The following KIF3A variants were observed in gnomAD, a reference collection of about 807,000 sequenced individuals.
KIF3A encodes kinesin-like protein KIF3A.
A neutral mutation model predicts 92.6 loss-of-function variants in KIF3A; 27 were observed. The ratio of observed to expected loss-of-function variants is 0.29; its 90% confidence interval spans 0.21 to 0.40. KIF3A has a LOEUF of 0.40. KIF3A is among the 10% of genes least tolerant of loss of function. The probability of loss-of-function intolerance (pLI) is 1.00; values close to 1 mark genes in which losing one functional copy is unlikely to be tolerated. For synonymous variants in KIF3A, 250 were observed against 275.4 expected, an observed-to-expected ratio of 0.91 and a Z score of 0.92; for missense variants, 581 against 872.6, an observed-to-expected ratio of 0.67 and a Z score of 4.21.
intron 2 of KIF3A, among the ~76,000 whole-genome samples, chr5:132,729,623 GAAACT>G (rs1362762695): frequency 6.6e-6 from 1 of 152,072 alleles, no homozygotes; most frequent in African/African-American, 2.4e-5. Flanking sequence ...AAAATATTTG[GAAACT>G]AAATAACACA....
rs1401793910 is a variant in KIF3A, at chr5:132,724,841, ATATATATATATATATT to A, written c.510+1271_510+1286del. Among the ~76,000 whole-genome samples, 77 of 30,234 alleles carry A rather than the reference ATATATATATATATATT, an allele frequency of 2.5e-3. 4 individuals carry two copies. The South Asian group carries it at 0.052, about 20-fold the overall frequency. The allele number at this position is 30,234 out of a possible 152,430, so 19.8% of individuals were successfully genotyped here. On this transcript the variant is annotated intron_variant, in intron 4 of 18. Transcript: ENST00000403231. ...TATATATATATATATATATATATAT[ATATATATATATATATT>A]AAAAAATCATTCTAAGAAAGGGATT...
At chr5:132,691,984 T>A (rs1298646322), downstream of KIF3A, among the ~76,000 whole-genome samples, 6 of 150,478 alleles carry the variant, frequency 4.0e-5, no homozygotes, top group South Asian at 2.1e-4. Context: ...AAATAAAATT[T>A]AATTAAAAAA....
intron 8 of KIF3A, among the ~76,000 whole-genome samples, chr5:132,713,624 T>C (rs559770861): frequency 6.6e-5 from 10 of 152,286 alleles, no homozygotes; most frequent in African/African-American, 2.2e-4. Context: ...GCTGGGTACA[T>C]ACCCCAAAAA....
At chr5:132,731,097 A>G (rs1412143947) in intron 2 of KIF3A, among the ~76,000 whole-genome samples, 1 of 152,224 alleles carries the variant, frequency 6.6e-6, no homozygotes, top group Admixed American at 6.5e-5. Flanking sequence ...GAATTCTACC[A>G]AACATTTAAG....
chr5:132,700,631 T>A lies in KIF3A; in HGVS notation c.1938+16A>T, dbSNP rs1203611048. 23 of 1,517,746 alleles carry A rather than the reference T, an allele frequency of 1.5e-5. No individual in the cohort carries two copies. The highest frequency in any genetic ancestry group is 2.1e-5 in the Non-Finnish European group (23 of 1,093,284). The allele number at this position is 1,517,746 out of a possible 1,614,324, so 94.0% of individuals were successfully genotyped here. The stretch of plus-strand genomic sequence containing the variant: ...ACTCTTTAATTATTACGTGAAAGAA[T>A]GAAGGTAATACTCACTAGCTGCCAT... On this transcript the variant is annotated intron_variant, in intron 16 of 18. Coordinates refer to ENST00000403231, the MANE Select transcript of KIF3A (RefSeq NM_001300791.2).
intron 4 of KIF3A, 62 bp from the exon 5 acceptor site, chr5:132,720,776 T>C: frequency 1.1e-6 from 1 of 931,556 alleles, no homozygotes; most frequent in African/African-American, 1.7e-5. Flanking sequence ...TTATTGAGTA[T>C]CTCCTATGTG....
chr5:132,719,778 A>G (rs1484438842), intron 5 of KIF3A, among the ~76,000 whole-genome samples: 1 of 152,042 alleles, frequency 6.6e-6, no homozygotes, highest in Non-Finnish European at 1.5e-5. Context: ...CACCGCGACC[A>G]GACTTTTCAC....
chr5:132,729,170 G>C (rs967383006), intron 2 of KIF3A, among the ~76,000 whole-genome samples: 3 of 152,046 alleles, frequency 2.0e-5, no homozygotes, highest in Admixed American at 2.0e-4. Context: ...CTACACATTG[G>C]GTACAGTGTA....
At position 132,724,839 on chromosome 5, in the gene KIF3A, ATATATATATATATATAT is replaced by A. The variant is rs1753980250; in HGVS notation, c.510+1272_510+1288del. Among the ~76,000 whole-genome samples the A allele has an allele frequency of 1.3e-4, 4 of 29,876 alleles. No homozygotes were observed. In the South Asian group the frequency reaches 3.2e-3, roughly 24 times the overall value. 19.6% of individuals were successfully genotyped at this position (29,876 alleles called of 152,430 possible). The stretch of plus-strand genomic sequence containing the variant: ...TATATATATATATATATATATATAT[ATATATATATATATATAT>A]TAAAAAATCATTCTAAGAAAGGGAT... On this transcript the variant is annotated intron_variant, in intron 4 of 18. Coordinates refer to ENST00000403231, the MANE Select transcript of KIF3A (RefSeq NM_001300791.2).
At chr5:132,733,718 C>CT (rs1397763662) in intron 2 of KIF3A, among the ~76,000 whole-genome samples, 2 of 152,122 alleles carry the variant, frequency 1.3e-5, no homozygotes, top group Admixed American at 6.5e-5. Flanking sequence ...TAAGCTATGA[C>CT]TGCACCACTG....
At chr5:132,697,346 A>T (rs1489903180) in intron 18 of KIF3A, among the ~76,000 whole-genome samples, 3 of 151,978 alleles carry the variant, frequency 2.0e-5, no homozygotes, top group Non-Finnish European at 4.4e-5. Context: ...GGGCCACACG[A>T]TTTTTTTAAT....
intron 4 of KIF3A, among the ~76,000 whole-genome samples, chr5:132,724,258 A>G (rs1304350569): frequency 6.6e-6 from 1 of 152,198 alleles, no homozygotes; most frequent in Admixed American, 6.5e-5. Context: ...AGGGATCTAG[A>G]ACTAGAAATA....
chr5:132,718,784 G>A (rs971144077), intron 5 of KIF3A, among the ~76,000 whole-genome samples: 2 of 152,034 alleles, frequency 1.3e-5, no homozygotes, highest in African/African-American at 2.4e-5. Flanking sequence ...AAGCCACCAC[G>A]TCTGGCTGAT....
At chr5:132,736,618 T>C (rs999603507) in intron 1 of KIF3A, among the ~76,000 whole-genome samples, 5 of 152,202 alleles carry the variant, frequency 3.3e-5, no homozygotes, top group East Asian at 1.9e-4. Flanking sequence ...AGAACAAATA[T>C]AGAGCATTTA....
At chr5:132,727,952 G>A (rs962150341) in intron 2 of KIF3A, among the ~76,000 whole-genome samples, 1 of 151,968 alleles carries the variant, frequency 6.6e-6, no homozygotes. Context: ...ACTTTTCCGT[G>A]AAAATAAATG....
intron 15 of KIF3A, among the ~76,000 whole-genome samples, chr5:132,701,549 T>G (rs1753038828): frequency 6.8e-6 from 1 of 147,892 alleles, no homozygotes; most frequent in Admixed American, 6.7e-5. Flanking sequence ...CAAAATGCAC[T>G]GGAAAGACAA....
chr5:132,734,291 G>T lies in KIF3A; in HGVS notation c.194C>A (p.Thr65Asn). Residue 65 changes from threonine (T) to asparagine (N), a missense_variant, in exon 2 of 19, where the codon ACT becomes AAT. Transcript: ENST00000403231. ...NEPPKTFTFD[T>N]VFGPESKQLD... ...TTGTTTACTCTCTGGTCCAAAAACA[G>T]TATCAAAAGTAAATGTCTTTGGAGG... 2.5e-6 allele frequency: 4 copies of T among 1,613,710 alleles called. No homozygotes were observed. Among genetic ancestry groups the T allele is most frequent in the Non-Finnish European group, 3.4e-6 (4 of 1,179,624 alleles).
At chr5:132,718,634 G>A (rs1249887745) in intron 5 of KIF3A, among the ~76,000 whole-genome samples, 1 of 150,128 alleles carries the variant, frequency 6.7e-6, no homozygotes, top group Admixed American at 6.6e-5. Flanking sequence ...TTGTTGTTTT[G>A]TTTTGTTTTT....
chr5:132,716,179 A>C, intron 7 of KIF3A, 66 bp downstream of exon 7: 1 of 1,291,558 alleles, frequency 7.7e-7, no homozygotes. Flanking sequence ...GATACGTATC[A>C]ATTATTGGCA....
Sources: allele counts gnomAD v4.1 joint callset (sites outside exome capture counted in the v4.1 genomes callset), GRCh38; gene constraint gnomAD v4.1.1; transcripts MANE v1.5; gene names NCBI Gene and HGNC (gene_info 2026-07-23, HGNC 2026-07-21).